CNTNAP2: variants seen among roughly 807,000 people sequenced by gnomAD.
The protein encoded by CNTNAP2 is contactin associated protein 2.
CNTNAP2 carries 98 observed loss-of-function variants against 155.2 expected under a neutral mutation model. The ratio of observed to expected loss-of-function variants is 0.63; its 90% CI spans 0.54 to 0.75. CNTNAP2 has a LOEUF of 0.75. Ranked by LOEUF, CNTNAP2 falls within the 30% of genes least tolerant of loss-of-function variation. The probability of loss-of-function intolerance (pLI) is 0.00; values close to 1 mark genes in which losing one functional copy is unlikely to be tolerated. For missense variants in CNTNAP2, 1,727 were observed against 1,688.1 expected (o/e 1.02, Z -0.40); for synonymous variants, 651 against 631.2 (o/e 1.03, Z -0.47).
chr7:147,278,593 A>T (rs1294627310), intron 8 of CNTNAP2, among the ~76,000 whole-genome samples: 1 of 151,786 alleles, frequency 6.6e-6, no homozygotes, highest in East Asian at 1.9e-4. Context: ...AAACCATTTA[A>T]TTATTAAAAT....
Position 148,132,321 on chromosome 7 carries a change from A to G in CNTNAP2, c.2554+14033A>G, listed in dbSNP as rs1029586699. Among the ~76,000 whole-genome samples, 4 of 151,926 alleles carry G rather than the reference A, an allele frequency of 2.6e-5. No individual in the cohort carries two copies. The East Asian group carries it at 7.7e-4, about 29-fold the overall frequency. ...ACGGGAGTGTGGTCACAGTAAAAAT[A>G]TATCTTCTTTAAAAAGATGTTTCTA... On this transcript the variant is annotated intron_variant, in intron 16 of 23. Coordinates refer to ENST00000361727, the MANE Select transcript of CNTNAP2 (RefSeq NM_014141.6).
intron 1 of CNTNAP2, among the ~76,000 whole-genome samples, chr7:146,353,064 T>TC (rs1399971617): frequency 2.0e-5 from 3 of 152,182 alleles, no homozygotes; most frequent in Non-Finnish European, 2.9e-5. Context: ...AGGGGATGTC[T>TC]TATTTCTCTG....
intron 1 of CNTNAP2, among the ~76,000 whole-genome samples, chr7:146,462,668 C>A (rs978764134): frequency 6.6e-5 from 10 of 152,104 alleles, no homozygotes; most frequent in Non-Finnish European, 1.3e-4. Flanking sequence ...TCTGCAATAT[C>A]AAGAAAGGAG....
At chr7:147,230,654 CATTA>C (rs1279358434) in intron 8 of CNTNAP2, among the ~76,000 whole-genome samples, 6 of 152,156 alleles carry the variant, frequency 3.9e-5, no homozygotes, top group Admixed American at 6.5e-5. Flanking sequence ...ATCTATCCTG[CATTA>C]ATTAATCCAG....
At chr7:147,186,855 G>A (rs1802576636) in intron 8 of CNTNAP2, among the ~76,000 whole-genome samples, 1 of 149,180 alleles carries the variant, frequency 6.7e-6, no homozygotes, top group South Asian at 2.1e-4. Flanking sequence ...TGGTCCAGTT[G>A]AAGAAGGCAC....
intron 8 of CNTNAP2, among the ~76,000 whole-genome samples, chr7:147,148,239 A>C (rs1007385351): frequency 6.6e-5 from 10 of 151,520 alleles, no homozygotes; most frequent in Admixed American, 5.9e-4. Flanking sequence ...AAATACAAAA[A>C]AATAGCCGGG....
chr7:146,447,140 C>T (rs1320294909), intron 1 of CNTNAP2, among the ~76,000 whole-genome samples: 1 of 151,986 alleles, frequency 6.6e-6, no homozygotes, highest in Non-Finnish European at 1.5e-5. Context: ...TATACTTCTG[C>T]TAGATTTATG....
At chr7:147,561,802 A>G (rs763408009) in intron 11 of CNTNAP2, among the ~76,000 whole-genome samples, 2 of 152,190 alleles carry the variant, frequency 1.3e-5, no homozygotes, top group Non-Finnish European at 2.9e-5. Context: ...TTTTTATAGT[A>G]AGGGGATAAT....
chr7:146,250,817 A>G (rs1303172249), intron 1 of CNTNAP2, among the ~76,000 whole-genome samples: 1 of 152,174 alleles, frequency 6.6e-6, no homozygotes. Flanking sequence ...CATTGTATTC[A>G]TTCTAGATTG....
rs1805808754 is a variant in CNTNAP2, at chr7:148,172,357, C to T, written c.2889C>T (p.Cys963=). Residue 963 remains cysteine, a synonymous_variant, in exon 18 of 24, where the codon TGC becomes TGT. Coordinates refer to ENST00000361727, the MANE Select transcript of CNTNAP2 (RefSeq NM_014141.6). Reference sequence around the variant, plus strand: ...TCACATCTGGGTTCATATCCGGATGCTCGGGCCATTGCACCAGCTATGGAA... The same window carrying T: ...TCACATCTGGGTTCATATCCGGATGTTCGGGCCATTGCACCAGCTATGGAA... ...AKVTSGFISG[C]SGHCTSYGTN... is the part of the protein sequence containing the mutation. 6.2e-7 allele frequency: 1 copy of T among 1,614,026 alleles called. No individual in the cohort carries two copies. Among genetic ancestry groups the T allele is most frequent in the African/African-American group, 1.3e-5 (1 of 74,904 alleles).
chr7:146,557,752 G>T (rs891093318), intron 1 of CNTNAP2, among the ~76,000 whole-genome samples: 23 of 152,086 alleles, frequency 1.5e-4, no homozygotes, highest in African/African-American at 5.6e-4. Context: ...CAGAATATTT[G>T]TATGCTCCCT....
chr7:147,279,453 A>G (rs1804978608), intron 8 of CNTNAP2, among the ~76,000 whole-genome samples: 1 of 151,812 alleles, frequency 6.6e-6, no homozygotes, highest in Non-Finnish European at 1.5e-5. Flanking sequence ...AGTACTCTTC[A>G]TGTTTATGCC....
chr7:147,193,356 C>T (rs924791176), intron 8 of CNTNAP2, among the ~76,000 whole-genome samples: 1 of 152,174 alleles, frequency 6.6e-6, no homozygotes, highest in Non-Finnish European at 1.5e-5. Flanking sequence ...CTAATGAAAC[C>T]TTCTGGGAAG....
At chr7:147,121,669 C>T (rs527959167) in intron 6 of CNTNAP2, 48 of 153,790 alleles carry the variant, frequency 3.1e-4, no homozygotes, top group Non-Finnish European at 6.5e-4. Flanking sequence ...AAGTAAAATA[C>T]AGACTATTTT....
intron 1 of CNTNAP2, among the ~76,000 whole-genome samples, chr7:146,462,381 A>G (rs1336489715): frequency 6.6e-6 from 1 of 152,136 alleles, no homozygotes; most frequent in African/African-American, 2.4e-5. Flanking sequence ...ACCCTGATAA[A>G]GAAAACAGAT....
At chr7:148,406,368 G>A (rs1799705402) in intron 22 of CNTNAP2, among the ~76,000 whole-genome samples, 1 of 152,202 alleles carries the variant, frequency 6.6e-6, no homozygotes, top group Non-Finnish European at 1.5e-5. Context: ...CAAATATCTA[G>A]TAAATATCTC....
intron 3 of CNTNAP2, among the ~76,000 whole-genome samples, chr7:146,978,419 T>C (rs527783711): frequency 6.6e-6 from 1 of 152,266 alleles, no homozygotes; most frequent in South Asian, 2.1e-4. Context: ...AAGCCTGTCC[T>C]GTTCAGAAAA....
chr7:148,360,058 G>A (rs138459078), intron 21 of CNTNAP2, among the ~76,000 whole-genome samples: 6 of 152,274 alleles, frequency 3.9e-5, no homozygotes, highest in African/African-American at 1.4e-4. Flanking sequence ...CTGCAGATTG[G>A]CAGCCATGGG....
intron 15 of CNTNAP2, among the ~76,000 whole-genome samples, chr7:148,074,319 C>T (rs1468013570): frequency 6.6e-6 from 1 of 152,150 alleles, no homozygotes; most frequent in Non-Finnish European, 1.5e-5. Context: ...GATTAATATT[C>T]GATGAAAGGA....
Sources: allele counts gnomAD v4.1 joint callset (sites outside exome capture counted in the v4.1 genomes callset), GRCh38; gene constraint gnomAD v4.1.1; transcripts MANE v1.5; gene names NCBI Gene and HGNC (gene_info 2026-07-23, HGNC 2026-07-21).